The following ASB13 variants were observed in gnomAD, a reference collection of about 807,000 sequenced individuals.
ASB13 encodes the protein ankyrin repeat and SOCS box protein 13.
Under a neutral mutation model 28.8 loss-of-function variants are expected in ASB13, and 33 were observed. The observed-to-expected ratio is 1.15, with a 90% CI of 0.87 to 1.53. The LOEUF is 1.53. ASB13 is among the 40% of genes most tolerant of loss of function. The probability of loss-of-function intolerance (pLI) is 0.00; values close to 1 mark genes in which losing one functional copy is unlikely to be tolerated. For missense variants in ASB13, 414 were observed against 390.1 expected (o/e 1.06, Z -0.52); for synonymous variants, 182 against 172.9 (o/e 1.05, Z -0.41).
rs941752880 is a variant in ASB13 at position 5,642,047 on chromosome 10, C to T, written c.518-86G>A. The T allele has an allele frequency of 2.5e-5, 33 of 1,344,576 alleles. No homozygotes were observed. Among genetic ancestry groups the T allele is most frequent in the South Asian group, 2.7e-5 (2 of 73,184 alleles). 83.3% of individuals were successfully genotyped at this position (1,344,576 alleles called of 1,614,324 possible). A position where few individuals can be genotyped will look rare whatever the true frequency, so the allele number is the denominator to read the frequency against. On this transcript the variant is annotated intron_variant, in intron 4 of 5. Coordinates refer to ENST00000357700, the MANE Select transcript of ASB13 (RefSeq NM_024701.4). The surrounding 1 kb of genome is among the most constrained non-coding windows in gnomAD (Gnocchi z 4.1). Reference sequence around the variant, plus strand: ...ATCAGGTCCGTTTCGTCACACAGCACGGTGGCAGAAGCAATCCCCACCCAG... The same window carrying T: ...ATCAGGTCCGTTTCGTCACACAGCATGGTGGCAGAAGCAATCCCCACCCAG...
rs1284681287 is a variant in ASB13, at chr10:5,663,656, G to A, written c.43+2853C>T. Among the ~76,000 whole-genome samples the A allele has an allele frequency of 3.3e-5, 5 of 152,174 alleles. No individual in the cohort carries two copies. Among genetic ancestry groups the A allele is most frequent in the African/African-American group, 9.7e-5 (4 of 41,442 alleles). On this transcript the variant is annotated intron_variant, in intron 1 of 5. Coordinates refer to ENST00000357700, the MANE Select transcript of ASB13 (RefSeq NM_024701.4). This position sits in a 1 kb window ranked among gnomAD's most constrained non-coding sequence, Gnocchi z 4.9. ...GCAGGCAATGTCTCCCAGGGCTGCC[G>A]AGTCGAGGAGGAGGATAGAGGTACT...
rs79923566 is a variant in ASB13 at position 5,663,713 on chromosome 10, T to A, written c.43+2796A>T. On this transcript the variant is annotated intron_variant, in intron 1 of 5. Coordinates refer to ENST00000357700, the MANE Select transcript of ASB13 (RefSeq NM_024701.4). The surrounding 1 kb of genome is among the most constrained non-coding windows in gnomAD (Gnocchi z 4.9). ...CCCATAAACATGCTTCCTAAGCCTT[T>A]GTAACTTGCTAATTTCCTCTGATAC... 3.3e-5 allele frequency among the ~76,000 whole-genome samples: 5 copies of A among 152,348 alleles called. No individual in the cohort carries two copies. The highest frequency in any genetic ancestry group is 1.2e-4 in the African/African-American group (5 of 41,590).
rs2131454352 is a variant in ASB13, at chr10:5,656,943, G to A, written c.44-3893C>T. Among the ~76,000 whole-genome samples the A allele has an allele frequency of 6.6e-6, 1 of 152,236 alleles. No individual in the cohort carries two copies. The highest frequency in any genetic ancestry group is 2.1e-4 in the South Asian group (1 of 4,816). ...TAGACACTTATCTACCATCTTCCTG[G>A]TTTGCTGGCTCTCCAGATAAACCTG... On this transcript the variant is annotated intron_variant, in intron 1 of 5. Transcript: ENST00000357700. The surrounding 1 kb of genome is among the most constrained non-coding windows in gnomAD (Gnocchi z 4.3).
rs980351747 is a variant in ASB13 at position 5,661,615 on chromosome 10, C to T, written c.43+4894G>A. ...GTTCAAGTGATCCTCCCACCTCAGC[C>T]TCCCAAGTAGCTGGGACTACAGGCC... On this transcript the variant is annotated intron_variant, in intron 1 of 5. Coordinates refer to ENST00000357700, the MANE Select transcript of ASB13 (RefSeq NM_024701.4). This position sits in a 1 kb window ranked among gnomAD's most constrained non-coding sequence, Gnocchi z 4.9. Among the ~76,000 whole-genome samples the T allele has an allele frequency of 2.0e-4, 30 of 152,180 alleles. No homozygotes were observed. The highest frequency in any genetic ancestry group is 4.4e-4 in the Non-Finnish European group (30 of 68,026).
At chr10:5,657,643 T>C (rs780506784) in intron 1 of ASB13, among the ~76,000 whole-genome samples, 7 of 152,188 alleles carry the variant, frequency 4.6e-5, no homozygotes, top group African/African-American at 7.2e-5. Context: ...TAGGATATCA[T>C]ATGATCCAGC....
In ASB13 at chr10:5,651,154, C is replaced by G; in HGVS notation, c.382+59G>C. ...CTTCCTTCCCTAAGTCCCTTTAATC[C>G]CAGAAAGGAGGAAACTTCCAGAGCC... On this transcript the variant is annotated intron_variant, in intron 3 of 5. Coordinates refer to ENST00000357700, the MANE Select transcript of ASB13 (RefSeq NM_024701.4). The surrounding 1 kb of genome is among the most constrained non-coding windows in gnomAD (Gnocchi z 5.1). 1 of 1,533,816 alleles carries G rather than the reference C, an allele frequency of 6.5e-7. No individual in the cohort carries two copies. The highest frequency in any genetic ancestry group is 8.8e-7 in the Non-Finnish European group (1 of 1,139,938).
Position 5,641,768 on chromosome 10 carries a change from A to C in ASB13, c.709+2T>G, listed in dbSNP as rs140498552. On this transcript the variant is annotated splice_donor_variant, in intron 5 of 5. Coordinates refer to ENST00000357700, the MANE Select transcript of ASB13 (RefSeq NM_024701.4). LOFTEE classifies it high-confidence loss of function. The surrounding 1 kb of genome is among the most constrained non-coding windows in gnomAD (Gnocchi z 8.4). ...TGGGGTGCGCTCGGTGGGGTGTCTC[A>C]CTTTCGTAGTACTCGAAGCACTTGG... is the stretch of plus-strand genomic sequence containing the variant. 6.5e-4 allele frequency: 1,018 copies of C among 1,575,884 alleles called. 2 individuals carry two copies. The highest frequency in any genetic ancestry group is 8.0e-4 in the Non-Finnish European group (922 of 1,157,548).
rs1298049513 is a variant in ASB13 at position 5,652,956 on chromosome 10, G to A, written c.138C>T (p.Asn46=). The change falls in exon 2 of 6, where the codon AAC becomes AAT. Residue 46 remains asparagine (N), a synonymous_variant. Coordinates refer to ENST00000357700, the MANE Select transcript of ASB13 (RefSeq NM_024701.4). The surrounding 1 kb of genome is among the most constrained non-coding windows in gnomAD (Gnocchi z 5.0). The stretch of plus-strand genomic sequence containing the variant: ...GCGTGATGGAGTCCACGGTGACCTG[G>A]TTCACGCAGGCGCCGCTCTCGATCA... ...QQLIESGACV[N]QVTVDSITPL... The A allele has an allele frequency of 6.4e-7, 1 of 1,573,892 alleles. No homozygotes were observed. The highest frequency in any genetic ancestry group is 1.3e-5 in the African/African-American group (1 of 74,458).
At position 5,651,064 on chromosome 10, in the gene ASB13, A is replaced by G; in HGVS notation, c.382+149T>C. On this transcript the variant is annotated intron_variant, in intron 3 of 5. Coordinates refer to ENST00000357700, the MANE Select transcript of ASB13 (RefSeq NM_024701.4). The surrounding 1 kb of genome is among the most constrained non-coding windows in gnomAD (Gnocchi z 5.1). ...TTAGAATCTCTGCAGCTGAGCCACC[A>G]GGAGCCAGAAACAGACTCAGAACTC... 9.5e-7 allele frequency: 1 copy of G among 1,057,346 alleles called. No homozygotes were observed. The highest frequency in any genetic ancestry group is 1.3e-6 in the Non-Finnish European group (1 of 746,336). The allele number at this position is 1,057,346 out of a possible 1,614,324, so 65.5% of individuals were successfully genotyped here.
rs1835101475 is a variant in ASB13 at position 5,658,237 on chromosome 10, G to A, written c.44-5187C>T. 2.0e-5 allele frequency among the ~76,000 whole-genome samples: 3 copies of A among 152,092 alleles called. No homozygotes were observed. The highest frequency in any genetic ancestry group is 4.4e-5 in the Non-Finnish European group (3 of 68,012). ...TAATCCCAGCACTTTGGGAGGCCGA[G>A]GCAGGCAATATGGTGAAACCCCATC... On this transcript the variant is annotated intron_variant, in intron 1 of 5. Transcript: ENST00000357700. The surrounding 1 kb of genome is among the most constrained non-coding windows in gnomAD (Gnocchi z 4.2).
intron 4 of ASB13, among the ~76,000 whole-genome samples, chr10:5,647,600 C>T (rs1249829390): frequency 6.6e-6 from 1 of 152,198 alleles, no homozygotes; most frequent in East Asian, 1.9e-4. Context: ...AGCAACCTCA[C>T]CAGGCAGCTG....
In ASB13 at chr10:5,649,179, G is replaced by A; in HGVS notation, c.383-75C>T. Reference sequence around the variant, plus strand: ...AGACAACAAGCACACAGACGCGGCAGGGGCAGCAGCCTCCATCCTTGGTGC... The same window carrying A: ...AGACAACAAGCACACAGACGCGGCAAGGGCAGCAGCCTCCATCCTTGGTGC... On this transcript the variant is annotated intron_variant, in intron 3 of 5. Transcript: ENST00000357700. This position sits in a 1 kb window ranked among gnomAD's most constrained non-coding sequence, Gnocchi z 6.4. The A allele has an allele frequency of 3.2e-6, 5 of 1,586,794 alleles. No homozygotes were observed. Among genetic ancestry groups the A allele is most frequent in the Admixed American group, 1.7e-5 (1 of 59,588 alleles).
In ASB13 at chr10:5,652,729, G is replaced by T. The variant is rs1835006404; in HGVS notation, c.231+134C>A. 1.1e-6 allele frequency: 1 copy of T among 934,040 alleles called. No individual in the cohort carries two copies. Among genetic ancestry groups the T allele is most frequent in the Admixed American group, 3.4e-5 (1 of 29,576 alleles). 57.9% of individuals were successfully genotyped at this position (934,040 alleles called of 1,614,324 possible). A position where few individuals can be genotyped will look rare whatever the true frequency, so the allele number is the denominator to read the frequency against. ...GGTCCACGAGCACTTCTCAGCCATG[G>T]GCTTCCTGGTACCTGTGTGCAGTGG... On this transcript the variant is annotated intron_variant, in intron 2 of 5. Coordinates refer to ENST00000357700, the MANE Select transcript of ASB13 (RefSeq NM_024701.4). The surrounding 1 kb of genome is among the most constrained non-coding windows in gnomAD (Gnocchi z 5.0).
chr10:5,647,601 C>A (rs936717330), intron 4 of ASB13, among the ~76,000 whole-genome samples: 10 of 152,170 alleles, frequency 6.6e-5, no homozygotes, highest in Admixed American at 6.5e-4. Flanking sequence ...GCAACCTCAC[C>A]AGGCAGCTGT....
At position 5,663,958 on chromosome 10, in the gene ASB13, A is replaced by G. The variant is rs1170768670; in HGVS notation, c.43+2551T>C. Among the ~76,000 whole-genome samples, 1 of 152,188 alleles carries G rather than the reference A, an allele frequency of 6.6e-6. No individual in the cohort carries two copies. On this transcript the variant is annotated intron_variant, in intron 1 of 5. Coordinates refer to ENST00000357700, the MANE Select transcript of ASB13 (RefSeq NM_024701.4). The surrounding 1 kb of genome is among the most constrained non-coding windows in gnomAD (Gnocchi z 4.9). ...ACACGGAGGATCTTCTCTGCCCCTC[A>G]GCAAAGATCTCACTCAACTGAGAGT...
rs551181374 is a variant in ASB13 at position 5,642,789 on chromosome 10, G to A, written c.518-828C>T. ...AGCCTCCCGAGTTGCTGGGATGACA[G>A]GTGTGCCACCATGCCCGGCTAATTT... is the stretch of plus-strand genomic sequence containing the variant. On this transcript the variant is annotated intron_variant, in intron 4 of 5. Coordinates refer to ENST00000357700, the MANE Select transcript of ASB13 (RefSeq NM_024701.4). The surrounding 1 kb of genome is among the most constrained non-coding windows in gnomAD (Gnocchi z 4.1). 6.6e-6 allele frequency among the ~76,000 whole-genome samples: 1 copy of A among 152,164 alleles called. No homozygotes were observed. The highest frequency in any genetic ancestry group is 2.1e-4 in the South Asian group (1 of 4,806).
rs1834789507 is a variant in ASB13, at chr10:5,640,436, T to C, written c.*267A>G. The stretch of plus-strand genomic sequence containing the variant: ...TCCGTAAAAGAGGAAAACTGGATGG[T>C]TGGGCCCATGCCCATTGAGAGGGTA... On this transcript the variant is annotated 3_prime_UTR_variant, in exon 6 of 6. Transcript: ENST00000357700. The C allele has an allele frequency of 1.8e-5, 7 of 387,444 alleles. No individual in the cohort carries two copies. The highest frequency in any genetic ancestry group is 3.3e-5 in the Non-Finnish European group (7 of 211,816). 24.0% of individuals were successfully genotyped at this position (387,444 alleles called of 1,614,324 possible).
chr10:5,643,337 G>A (rs963737483), intron 4 of ASB13, among the ~76,000 whole-genome samples: 7 of 152,256 alleles, frequency 4.6e-5, no homozygotes, highest in East Asian at 3.9e-4. Flanking sequence ...GAAAAATCCC[G>A]CTTTCTGCTT....
At chr10:5,648,049 A>T (rs916723226) in intron 4 of ASB13, among the ~76,000 whole-genome samples, 2 of 110,824 alleles carry the variant, frequency 1.8e-5, no homozygotes, top group Non-Finnish European at 4.5e-5. Flanking sequence ...TCAGGCAAAC[A>T]CCCACTCAGG....
Sources: allele counts gnomAD v4.1 joint callset (sites outside exome capture counted in the v4.1 genomes callset), GRCh38; gene constraint gnomAD v4.1.1; non-coding constraint Gnocchi (gnomAD v3.1); transcripts MANE v1.5; gene names NCBI Gene and HGNC (gene_info 2026-07-23, HGNC 2026-07-21).